Variants in SLC29A3 observed in about 807,000 individuals in gnomAD.
SLC29A3 encodes the protein solute carrier family 29 member 3, also known as equilibrative nucleoside transporter 3.
Under a neutral mutation model 25.4 loss-of-function variants are expected in SLC29A3, and 18 were observed. That is an observed-to-expected ratio of 0.71 (90% confidence interval 0.49 to 1.05). SLC29A3 has a LOEUF of 1.05. SLC29A3 is among the 50% of genes least tolerant of loss of function. The pLI, the probability that SLC29A3 is intolerant of heterozygous loss-of-function variation, is 0.00. For missense variants in SLC29A3, 586 were observed against 609.0 expected (o/e 0.96, Z 0.40); for synonymous variants, 258 against 267.1 (o/e 0.97, Z 0.33).
downstream of SLC29A3, among the ~76,000 whole-genome samples, chr10:71,367,057 G>A (rs1390644176): frequency 6.6e-6 from 1 of 152,236 alleles, no homozygotes; most frequent in Admixed American, 6.5e-5. Flanking sequence ...TAGCCATAGA[G>A]CTGGCTATTG....
At chr10:71,371,371 A>C (rs998142380) in intron 3 of SLC29A3, among the ~76,000 whole-genome samples, 1 of 152,060 alleles carries the variant, frequency 6.6e-6, no homozygotes, top group African/African-American at 2.4e-5. Flanking sequence ...TGTCCTTGCT[A>C]CTTCCTTCTA....
chr10:71,347,497 G>A (rs1846622946), intron 3 of SLC29A3, among the ~76,000 whole-genome samples: 1 of 152,250 alleles, frequency 6.6e-6, no homozygotes, highest in East Asian at 1.9e-4. Context: ...GACCCTAAGA[G>A]CACGACTGTC....
intron 2 of SLC29A3, among the ~76,000 whole-genome samples, chr10:71,338,949 T>C (rs1363679986): frequency 6.6e-6 from 1 of 152,068 alleles, no homozygotes; most frequent in Non-Finnish European, 1.5e-5. Context: ...GCGACCCCAG[T>C]GATAGTGTTT....
Position 71,344,086 on chromosome 10 carries a change from C to T in SLC29A3, c.301-123C>T, listed in dbSNP as rs529787537. The stretch of plus-strand genomic sequence containing the variant: ...TGTTTGGAGGTGGGCTCACCCACGG[C>T]TCCTGGGTGTCTGAAGACAGTGGGG... On this transcript the variant is annotated intron_variant, in intron 2 of 5. Coordinates refer to ENST00000373189, the MANE Select transcript of SLC29A3 (RefSeq NM_018344.6). 344 of 823,828 alleles carry T rather than the reference C, an allele frequency of 4.2e-4. No homozygotes were observed. In the African/African-American group the frequency reaches 5.2e-3, roughly 13 times the overall value. 51.0% of individuals were successfully genotyped at this position (823,828 alleles called of 1,614,324 possible).
At chr10:71,336,318 G>A (rs1846252286) in intron 2 of SLC29A3, among the ~76,000 whole-genome samples, 1 of 152,152 alleles carries the variant, frequency 6.6e-6, no homozygotes, top group African/African-American at 2.4e-5. Flanking sequence ...GTTCTGGGTA[G>A]ACATGAATTT....
intron 2 of SLC29A3, among the ~76,000 whole-genome samples, chr10:71,329,993 TG>T (rs1846082593): frequency 6.6e-6 from 1 of 152,144 alleles, no homozygotes; most frequent in South Asian, 2.1e-4. Context: ...ACCTCGAGTG[TG>T]GGGTTCCTCA....
At chr10:71,342,037 A>C (rs909384526) in intron 2 of SLC29A3, among the ~76,000 whole-genome samples, 1 of 151,910 alleles carries the variant, frequency 6.6e-6, no homozygotes. Flanking sequence ...GTAACACCTC[A>C]TGTTTGCTCT....
chr10:71,356,384 G>A, intron 5 of SLC29A3, 141 bp downstream of exon 5: 1 of 1,067,988 alleles, frequency 9.4e-7, no homozygotes, highest in Non-Finnish European at 1.3e-6. Flanking sequence ...AGGCTTGGCT[G>A]GTGGACGTGA....
chr10:71,364,111 A>C (rs74144928), downstream of SLC29A3: 8,222 of 152,228 alleles, frequency 0.054, 266 homozygotes, highest in Middle Eastern at 0.082. Flanking sequence ...TCTGATTTCC[A>C]TGCCCCTTGG....
At chr10:71,353,037 C>A (rs1486552331) in intron 4 of SLC29A3, among the ~76,000 whole-genome samples, 1 of 152,192 alleles carries the variant, frequency 6.6e-6, no homozygotes, top group African/African-American at 2.4e-5. Context: ...GATGACAATA[C>A]TTTGACAAGG....
chr10:71,363,813 C>CTTT (rs557109219), downstream of SLC29A3, among the ~76,000 whole-genome samples: 30 of 118,206 alleles, frequency 2.5e-4, no homozygotes, highest in East Asian at 5.2e-4. Flanking sequence ...TTTTTCTTTT[C>CTTT]TTTTTTTTTT....
chr10:71,338,041 T>G (rs1846299778), intron 2 of SLC29A3, among the ~76,000 whole-genome samples: 1 of 152,352 alleles, frequency 6.6e-6, no homozygotes, highest in African/African-American at 2.4e-5. Flanking sequence ...CTCATCCACA[T>G]TCACCCACCA....
chr10:71,337,556 G>C (rs1375630863), intron 2 of SLC29A3, among the ~76,000 whole-genome samples: 1 of 152,238 alleles, frequency 6.6e-6, no homozygotes, highest in East Asian at 1.9e-4. Flanking sequence ...TGCCTCTGCT[G>C]CTGCTTCCTG....
intron 2 of SLC29A3, among the ~76,000 whole-genome samples, chr10:71,333,607 C>A (rs1327047528): frequency 6.6e-6 from 1 of 152,286 alleles, no homozygotes; most frequent in East Asian, 1.9e-4. Context: ...GGCCCTTGTC[C>A]CTGGTCATCA....
At chr10:71,336,348 C>G (rs976652410) in intron 2 of SLC29A3, among the ~76,000 whole-genome samples, 41 of 152,206 alleles carry the variant, frequency 2.7e-4, no homozygotes, top group Non-Finnish European at 3.1e-4. Flanking sequence ...GAATTCAGCC[C>G]CCTCTAGACG....
intron 2 of SLC29A3, among the ~76,000 whole-genome samples, chr10:71,327,111 T>A (rs1226094802): frequency 1.3e-5 from 2 of 152,142 alleles, no homozygotes; most frequent in Non-Finnish European, 2.9e-5. Flanking sequence ...TAGCTGTGGG[T>A]CTAGATGTTT....
chr10:71,349,210 GTACTTTGAGTACC>G (rs1402819228), intron 3 of SLC29A3, among the ~76,000 whole-genome samples: 1 of 152,098 alleles, frequency 6.6e-6, no homozygotes, highest in African/African-American at 2.4e-5. Flanking sequence ...GCGTTAGTGG[GTACTTTGAGTACC>G]CACAATAAAA....
At chr10:71,351,273 G>A (rs1158339801) in intron 3 of SLC29A3, among the ~76,000 whole-genome samples, 1 of 152,210 alleles carries the variant, frequency 6.6e-6, no homozygotes, top group African/African-American at 2.4e-5. Context: ...GCCAGGCACT[G>A]CCGCTTGCAC....
chr10:71,372,616 A>G (rs954800353), intron 3 of SLC29A3, among the ~76,000 whole-genome samples: 2 of 152,218 alleles, frequency 1.3e-5, no homozygotes, highest in Non-Finnish European at 2.9e-5. Context: ...AGGGGTTGTC[A>G]TCAGCTCACA....
Sources: allele counts gnomAD v4.1 joint callset (sites outside exome capture counted in the v4.1 genomes callset), GRCh38; gene constraint gnomAD v4.1.1; transcripts MANE v1.5; gene names NCBI Gene and HGNC (gene_info 2026-07-23, HGNC 2026-07-21).